The following PACSIN2 variants were observed in gnomAD, a reference collection of about 807,000 sequenced individuals.
The protein encoded by PACSIN2 is protein kinase C and casein kinase substrate in neurons 2.
PACSIN2 carries 25 observed loss-of-function variants against 63.8 expected under a neutral mutation model. The ratio of observed to expected loss-of-function variants is 0.39; its 90% CI spans 0.29 to 0.55. The LOEUF (loss-of-function observed/expected upper bound fraction) is 0.55, where lower values mean the gene tolerates loss of function less well. PACSIN2 is among the 20% of genes least tolerant of loss of function. The pLI is 0.62. For missense variants in PACSIN2, 518 were observed against 646.9 expected (o/e 0.80, Z 2.16); for synonymous variants, 255 against 256.2 (o/e 1.00, Z 0.05).
At chr22:42,997,150 C>T (rs1017922464) in intron 1 of PACSIN2, among the ~76,000 whole-genome samples, 1 of 152,228 alleles carries the variant, frequency 6.6e-6, no homozygotes, top group Non-Finnish European at 1.5e-5. Context: ...TTTAATCACG[C>T]TCTGCCTCCT....
At chr22:42,874,274 C>G (rs1048051735) in intron 10 of PACSIN2, among the ~76,000 whole-genome samples, 8 of 148,912 alleles carry the variant, frequency 5.4e-5, no homozygotes, top group Non-Finnish European at 8.9e-5. Flanking sequence ...GAGCTATGAT[C>G]GCACCACTGT....
intron 1 of PACSIN2, among the ~76,000 whole-genome samples, chr22:42,940,497 G>A (rs970896811): frequency 1.3e-5 from 2 of 152,170 alleles, no homozygotes; most frequent in African/African-American, 2.4e-5. Context: ...TGGAAAGGGA[G>A]GGGGAAAGAA....
At chr22:42,936,215 C>CAAA (rs5845572) in intron 1 of PACSIN2, among the ~76,000 whole-genome samples, 5 of 129,046 alleles carry the variant, frequency 3.9e-5, no homozygotes, top group Non-Finnish European at 5.0e-5. Flanking sequence ...GACTCCGTCT[C>CAAA]AAAAAAAAAA....
intron 1 of PACSIN2, among the ~76,000 whole-genome samples, chr22:42,919,875 G>A (rs563547625): frequency 6.7e-6 from 1 of 150,038 alleles, no homozygotes; most frequent in African/African-American, 2.4e-5. Flanking sequence ...TCAACACTTT[G>A]AAAGGCCAAA....
chr22:42,949,071 T>C (rs941585406), intron 1 of PACSIN2, among the ~76,000 whole-genome samples: 7 of 152,110 alleles, frequency 4.6e-5, no homozygotes, highest in African/African-American at 1.7e-4. Context: ...GGTGGAAGGA[T>C]TGCTTGAGCC....
chr22:42,950,243 T>A (rs1044420210), intron 1 of PACSIN2, among the ~76,000 whole-genome samples: 5 of 152,024 alleles, frequency 3.3e-5, no homozygotes, highest in Non-Finnish European at 7.4e-5. Flanking sequence ...CTGAAGAGTA[T>A]ACATAAGTTA....
At chr22:42,970,983 C>A (rs1387466696) in intron 1 of PACSIN2, among the ~76,000 whole-genome samples, 1 of 152,218 alleles carries the variant, frequency 6.6e-6, no homozygotes, top group South Asian at 2.1e-4. Flanking sequence ...CTGCTACAGC[C>A]TACCCCTGCA....
At chr22:42,887,211 G>T (rs1463863579) in intron 5 of PACSIN2, among the ~76,000 whole-genome samples, 6 of 152,212 alleles carry the variant, frequency 3.9e-5, no homozygotes, top group Non-Finnish European at 1.5e-5. Context: ...GAGTGAGAGG[G>T]GTTTCCCAGA....
At chr22:42,950,410 A>G (rs11704394) in intron 1 of PACSIN2, among the ~76,000 whole-genome samples, 1 of 95,104 alleles carries the variant, frequency 1.1e-5, no homozygotes, top group Non-Finnish European at 2.2e-5. Context: ...GCTGAGAGGG[A>G]GGGAGGGAAG....
intron 10 of PACSIN2, among the ~76,000 whole-genome samples, chr22:42,874,610 T>C (rs1255382402): frequency 6.6e-6 from 1 of 152,206 alleles, no homozygotes; most frequent in African/African-American, 2.4e-5. Flanking sequence ...GTGGCTCTCC[T>C]GAGGGCTTCT....
At position 42,982,869 on chromosome 22, in the gene PACSIN2, T is replaced by TAAAAAAAAAAAAA. The variant is rs1252040629; in HGVS notation, c.-78+32139_-78+32151dup. Among the ~76,000 whole-genome samples the TAAAAAAAAAAAAA allele has an allele frequency of 5.4e-3, 234 of 43,722 alleles. 4 individuals are homozygous for TAAAAAAAAAAAAA. Among genetic ancestry groups the TAAAAAAAAAAAAA allele is most frequent in the Non-Finnish European group, 7.3e-3 (147 of 20,164 alleles). 28.7% of individuals were successfully genotyped at this position (43,722 alleles called of 152,430 possible). A position where few individuals can be genotyped will look rare whatever the true frequency, so the allele number is the denominator to read the frequency against. ...GCGAGAAACACCAAAGAATGATCAA[T>TAAAAAAAAAAAAA]AAAAAAAAAAAAAAAAAAAAACAAC... is the stretch of plus-strand genomic sequence containing the variant. On this transcript the variant is annotated intron_variant, in intron 1 of 10. Coordinates refer to ENST00000263246, the MANE Select transcript of PACSIN2 (RefSeq NM_001184970.3).
At chr22:42,982,888 A>AAAAAAAAAAAAAAAAACC (rs759532303) in intron 1 of PACSIN2, among the ~76,000 whole-genome samples, 1 of 105,156 alleles carries the variant, frequency 9.5e-6, no homozygotes. Context: ...AAAAAAAAAA[A>AAAAAAAAAAAAAAAAACC]AACAACAACA....
chr22:42,949,157 G>A (rs557951414), intron 1 of PACSIN2, among the ~76,000 whole-genome samples: 4 of 152,258 alleles, frequency 2.6e-5, no homozygotes, highest in Non-Finnish European at 5.9e-5. Context: ...TAAATAATAG[G>A]TGCACATTTT....
chr22:42,905,174 T>C (rs1930985793), intron 2 of PACSIN2, among the ~76,000 whole-genome samples: 4 of 152,210 alleles, frequency 2.6e-5, no homozygotes, highest in Admixed American at 2.0e-4. Context: ...AAGTGCTAAA[T>C]TCCCTCAACG....
At chr22:43,001,592 G>A (rs1200515314) in intron 1 of PACSIN2, among the ~76,000 whole-genome samples, 1 of 152,254 alleles carries the variant, frequency 6.6e-6, no homozygotes, top group African/African-American at 2.4e-5. Flanking sequence ...ACCTGCCTGT[G>A]CTTGGGAAGC....
chr22:42,999,298 G>T (rs550736273), intron 1 of PACSIN2, among the ~76,000 whole-genome samples: 5 of 152,184 alleles, frequency 3.3e-5, no homozygotes, highest in Non-Finnish European at 7.3e-5. Context: ...CCTCGAAGGG[G>T]TCCAGGGAAC....
chr22:42,985,425 G>A (rs1221486268), intron 1 of PACSIN2, among the ~76,000 whole-genome samples: 1 of 152,212 alleles, frequency 6.6e-6, no homozygotes, highest in African/African-American at 2.4e-5. Context: ...GCCCACAAGG[G>A]CAGCAGATGG....
chr22:42,913,480 CAAAAAAAAAAAA>C (rs138842796), intron 1 of PACSIN2, among the ~76,000 whole-genome samples: 3 of 93,152 alleles, frequency 3.2e-5, no homozygotes, highest in African/African-American at 7.9e-5. Flanking sequence ...ACTCCGTCTC[CAAAAAAAAAAAA>C]AAAAAAAAAA....
intron 1 of PACSIN2, among the ~76,000 whole-genome samples, chr22:42,987,112 G>C (rs969609546): frequency 6.6e-6 from 1 of 152,078 alleles, no homozygotes; most frequent in Non-Finnish European, 1.5e-5. Context: ...GACTTGCTGG[G>C]GGGTGTGTCT....
Sources: allele counts gnomAD v4.1 joint callset (sites outside exome capture counted in the v4.1 genomes callset), GRCh38; gene constraint gnomAD v4.1.1; transcripts MANE v1.5; gene names NCBI Gene and HGNC (gene_info 2026-07-23, HGNC 2026-07-21).